The following RRP15 variants were observed in gnomAD, a reference collection of about 807,000 sequenced individuals.
RRP15 encodes ribosomal RNA processing 15 homolog, also known as RRP15-like protein.
Under a neutral mutation model 27.1 loss-of-function variants are expected in RRP15, and 18 were observed. The ratio of observed to expected loss-of-function variants is 0.66; its 90% CI spans 0.46 to 0.98. The LOEUF is 0.98. Among genes scored for constraint, RRP15 ranks in the 50% least tolerant of loss-of-function variants. The pLI, the probability that RRP15 is intolerant of heterozygous loss-of-function variation, is 0.00. For missense variants in RRP15, 359 were observed against 337.8 expected (o/e 1.06, Z -0.49); for synonymous variants, 107 against 109.4 (o/e 0.98, Z 0.14).
Position 218,291,432 on chromosome 1 carries a change from G to C in RRP15, c.139+5977G>C, listed in dbSNP as rs147716692. The stretch of plus-strand genomic sequence containing the variant: ...TGCACTCCAGCCTGGCTGACAGAGT[G>C]AGACTCTGTCTCAAAAATGAATAAA... On this transcript the variant is annotated intron_variant, in intron 1 of 4. Coordinates refer to ENST00000366932, the MANE Select transcript of RRP15 (RefSeq NM_016052.4). Among the ~76,000 whole-genome samples, 270 of 150,596 alleles carry C rather than the reference G, an allele frequency of 1.8e-3. 1 individual carries two copies. Among genetic ancestry groups the C allele is most frequent in the African/African-American group, 6.4e-3 (263 of 41,000 alleles).
At chr1:218,287,604 AAAGGTAGTTTTC>A in intron 1 of RRP15, among the ~76,000 whole-genome samples, 1 of 152,326 alleles carries the variant, frequency 6.6e-6, no homozygotes, top group East Asian at 1.9e-4. Context: ...AGTATAATTA[AAAGGTAGTTTTC>A]AAGATCATGG....
chr1:218,293,436 A>G (rs1388822190), intron 1 of RRP15, among the ~76,000 whole-genome samples: 2 of 152,232 alleles, frequency 1.3e-5, no homozygotes, highest in African/African-American at 4.8e-5. Context: ...CTGAGAAACT[A>G]TAAAGGCAGA....
In RRP15 at chr1:218,310,032, A is replaced by G. The variant is rs118084902; in HGVS notation, c.705+2400A>G. On this transcript the variant is annotated intron_variant, in intron 4 of 4. Coordinates refer to ENST00000366932, the MANE Select transcript of RRP15 (RefSeq NM_016052.4). ...TAGATCAAGGGAAGGCAGGGTGGCA[A>G]AGGTGAGCATAGATTTGATGTGCCA... 2.6e-5 allele frequency among the ~76,000 whole-genome samples: 4 copies of G among 152,332 alleles called. No individual in the cohort carries two copies. In the East Asian group the frequency reaches 7.7e-4, roughly 29 times the overall value.
intron 4 of RRP15, among the ~76,000 whole-genome samples, chr1:218,315,746 G>A (rs140395307): frequency 0.022 from 3,376 of 151,956 alleles, 141 homozygotes; most frequent in African/African-American, 0.075. Flanking sequence ...TTGAGCCACC[G>A]TGCCTGGCCA....
intron 4 of RRP15, among the ~76,000 whole-genome samples, chr1:218,320,102 C>T (rs1361892997): frequency 2.0e-5 from 3 of 148,116 alleles, no homozygotes; most frequent in Non-Finnish European, 4.4e-5. Flanking sequence ...GGTACATGTG[C>T]ACAATGTGCA....
intron 4 of RRP15, among the ~76,000 whole-genome samples, chr1:218,319,036 C>T (rs1656134717): frequency 6.6e-6 from 1 of 151,782 alleles, no homozygotes; most frequent in South Asian, 2.1e-4. Context: ...GTTTAATAGT[C>T]ACCTCCAGTC....
chr1:218,323,660 A>G (rs1300795078), intron 4 of RRP15, among the ~76,000 whole-genome samples: 1 of 152,062 alleles, frequency 6.6e-6, no homozygotes, highest in African/African-American at 2.4e-5. Flanking sequence ...TGGCGCCCAG[A>G]CTGTTCTGGC....
At chr1:218,295,175 G>A (rs779546123) in intron 1 of RRP15, among the ~76,000 whole-genome samples, 5 of 152,156 alleles carry the variant, frequency 3.3e-5, no homozygotes, top group Non-Finnish European at 5.9e-5. Flanking sequence ...AAAAATAACA[G>A]TGGTTGATGA....
rs775575530 is a variant in RRP15, at chr1:218,332,719, GTATT to G, written c.*1633_*1636del. The stretch of plus-strand genomic sequence containing the variant: ...ACAGCAAAGTACAAGATGCATTTTT[GTATT>G]TATTCTAACTTTTGAACATTAGTGT... On this transcript the variant is annotated 3_prime_UTR_variant, in exon 5 of 5. Transcript: ENST00000366932. The G allele has an allele frequency of 9.9e-5, 15 of 152,140 alleles. No homozygotes were observed. Among genetic ancestry groups the G allele is most frequent in the Admixed American group, 3.9e-4 (6 of 15,284 alleles). 9.4% of individuals were successfully genotyped at this position (152,140 alleles called of 1,614,324 possible).
At chr1:218,316,655 T>G (rs535696762) in intron 4 of RRP15, among the ~76,000 whole-genome samples, 1 of 152,294 alleles carries the variant, frequency 6.6e-6, no homozygotes, top group South Asian at 2.1e-4. Flanking sequence ...GTCAATTAAG[T>G]TAATATACAT....
intron 4 of RRP15, among the ~76,000 whole-genome samples, chr1:218,311,440 ATTTTT>A (rs1655995065): frequency 2.6e-5 from 4 of 152,132 alleles, no homozygotes; most frequent in Non-Finnish European, 5.9e-5. Flanking sequence ...CTTTGTTACA[ATTTTT>A]ATTTTTCCTG....
chr1:218,328,049 CAT>C (rs1656302039), intron 4 of RRP15, among the ~76,000 whole-genome samples: 1 of 152,230 alleles, frequency 6.6e-6, no homozygotes, highest in African/African-American at 2.4e-5. Context: ...TTGCTAATAA[CAT>C]ATTTTCAAGT....
At chr1:218,323,790 G>A (rs893993731) in intron 4 of RRP15, among the ~76,000 whole-genome samples, 3 of 152,294 alleles carry the variant, frequency 2.0e-5, no homozygotes, top group African/African-American at 4.8e-5. Flanking sequence ...GCATGTCAGC[G>A]CTGCCCCCAG....
At chr1:218,322,594 C>T (rs1656203767) in intron 4 of RRP15, among the ~76,000 whole-genome samples, 1 of 151,612 alleles carries the variant, frequency 6.6e-6, no homozygotes, top group Non-Finnish European at 1.5e-5. Context: ...CACATTTTGC[C>T]ATAAACGTTT....
chr1:218,309,061 C>T (rs912295228), intron 4 of RRP15, among the ~76,000 whole-genome samples: 8 of 152,100 alleles, frequency 5.3e-5, no homozygotes, highest in African/African-American at 1.7e-4. Context: ...TTTCCACTGG[C>T]ATTGTATTTT....
At chr1:218,329,824 A>AT (rs879374817) in intron 4 of RRP15, among the ~76,000 whole-genome samples, 90 of 146,152 alleles carry the variant, frequency 6.2e-4, no homozygotes, top group Middle Eastern at 3.5e-3. Flanking sequence ...ATAGTGGTCA[A>AT]TTTTTTTTTT....
rs1656473153 is a variant in RRP15, at chr1:218,337,838, C to T, written c.*6747C>T. The T allele has an allele frequency of 6.6e-6, 1 of 152,106 alleles. No individual in the cohort carries two copies. Among genetic ancestry groups the T allele is most frequent in the Admixed American group, 6.6e-5 (1 of 15,252 alleles). The allele number at this position is 152,106 out of a possible 1,614,324, so 9.4% of individuals were successfully genotyped here. The stretch of plus-strand genomic sequence containing the variant: ...TGTATTAGATGACTGTATGAAGAGT[C>T]CTGTTTGCTAGAATCCTACTTTATC... On this transcript the variant is annotated 3_prime_UTR_variant, in exon 5 of 5. Coordinates refer to ENST00000366932, the MANE Select transcript of RRP15 (RefSeq NM_016052.4).
At position 218,332,667 on chromosome 1, in the gene RRP15, G is replaced by A. The variant is rs1471387992; in HGVS notation, c.*1576G>A. The A allele has an allele frequency of 1.3e-5, 2 of 152,054 alleles. No individual in the cohort carries two copies. The highest frequency in any genetic ancestry group is 4.8e-5 in the African/African-American group (2 of 41,388). 9.4% of individuals were successfully genotyped at this position (152,054 alleles called of 1,614,324 possible). A position where few individuals can be genotyped will look rare whatever the true frequency, so the allele number is the denominator to read the frequency against. Reference sequence around the variant, plus strand: ...GGTATTTGTTATCATAAAGGAAGATGTACACCTAAGGTATCAAGTGGTTAA... The same window carrying A: ...GGTATTTGTTATCATAAAGGAAGATATACACCTAAGGTATCAAGTGGTTAA... On this transcript the variant is annotated 3_prime_UTR_variant, in exon 5 of 5. Transcript: ENST00000366932.
intron 4 of RRP15, among the ~76,000 whole-genome samples, chr1:218,311,385 C>G (rs945851794): frequency 5.3e-5 from 8 of 152,138 alleles, no homozygotes; most frequent in Admixed American, 1.3e-4. Flanking sequence ...ATATTGTTCA[C>G]TGCTGAGCAA....
Sources: allele counts gnomAD v4.1 joint callset (sites outside exome capture counted in the v4.1 genomes callset), GRCh38; gene constraint gnomAD v4.1.1; transcripts MANE v1.5; gene names NCBI Gene and HGNC (gene_info 2026-07-23, HGNC 2026-07-21).